Variants in HOXC4 observed in about 807,000 individuals in gnomAD.
HOXC4 encodes homeobox C4.
HOXC4 carries 15 observed loss-of-function variants against 25.5 expected under a neutral mutation model. That is an observed-to-expected ratio of 0.59 (90% CI 0.39 to 0.91). The LOEUF is 0.91. Among genes scored for constraint, HOXC4 ranks in the 40% least tolerant of loss-of-function variants. The probability of loss-of-function intolerance (pLI) is 0.00; values close to 1 mark genes in which losing one functional copy is unlikely to be tolerated. For missense variants in HOXC4, 342 were observed against 352.4 expected, an observed-to-expected ratio of 0.97 and a Z score of 0.24; for synonymous variants, 165 against 148.0, an observed-to-expected ratio of 1.11 and a Z score of -0.83.
At chr12:54,032,967 G>C (rs1293161799) in intron 1 of HOXC4, 1 of 648,706 alleles carries the variant, frequency 1.5e-6, no homozygotes, top group Non-Finnish European at 2.6e-6. Context: ...CTCTATTTAA[G>C]GCTCCCTTAT....
At chr12:54,037,602 A>G (rs1000995806) in intron 1 of HOXC4, among the ~76,000 whole-genome samples, 8 of 151,914 alleles carry the variant, frequency 5.3e-5, no homozygotes, top group Non-Finnish European at 1.0e-4. Context: ...TAAATAAATA[A>G]ATAAGGATCC....
intron 1 of HOXC4, among the ~76,000 whole-genome samples, chr12:54,038,196 C>A (rs969237319): frequency 1.2e-4 from 19 of 152,198 alleles, no homozygotes; most frequent in African/African-American, 4.6e-4. Flanking sequence ...GATGGGGGAG[C>A]TTGTCTACCC....
At chr12:54,039,298 G>A (rs187956383) in intron 1 of HOXC4, among the ~76,000 whole-genome samples, 3 of 152,246 alleles carry the variant, frequency 2.0e-5, no homozygotes, top group East Asian at 1.9e-4. Flanking sequence ...TGTTAGCCTC[G>A]CCCCCGCTGC....
At chr12:54,018,385 G>C (rs1940263201) in intron 1 of HOXC4, among the ~76,000 whole-genome samples, 1 of 152,212 alleles carries the variant, frequency 6.6e-6, no homozygotes, top group South Asian at 2.1e-4. Flanking sequence ...AGGCTGGGCG[G>C]GGACAGGCCC....
chr12:54,034,407 A>G (rs561159734), intron 1 of HOXC4: 6 of 1,613,932 alleles, frequency 3.7e-6, no homozygotes, highest in South Asian at 2.2e-5. Flanking sequence ...TTGTGTCTCA[A>G]TGAGAGACAG....
intron 1 of HOXC4, among the ~76,000 whole-genome samples, chr12:54,026,595 A>T (rs1411737722): frequency 2.6e-5 from 4 of 152,090 alleles, no homozygotes; most frequent in African/African-American, 9.7e-5. Flanking sequence ...AATACCGACA[A>T]ATTTCTGTCC....
intron 1 of HOXC4, among the ~76,000 whole-genome samples, chr12:54,046,383 C>T (rs867398128): frequency 7.2e-5 from 11 of 152,212 alleles, no homozygotes; most frequent in Middle Eastern, 3.4e-3. Context: ...CTCTTATTTA[C>T]CCGGCAACAT....
At chr12:54,026,976 G>GAA (rs370870516) in intron 1 of HOXC4, among the ~76,000 whole-genome samples, 2 of 143,184 alleles carry the variant, frequency 1.4e-5, no homozygotes, top group Non-Finnish European at 3.1e-5. Flanking sequence ...GGGGGGGGGG[G>GAA]ATATGAGCTT....
chr12:54,035,076 C>A, intron 1 of HOXC4: 1 of 154,378 alleles, frequency 6.5e-6, no homozygotes, highest in Admixed American at 6.4e-5. Context: ...CTTTCCAAAC[C>A]TTATCTCCAC....
intron 1 of HOXC4, chr12:54,033,655 A>T: frequency 8.1e-7 from 1 of 1,238,662 alleles, no homozygotes. Context: ...AAGAAAAAAA[A>T]CCTGCGGCCA....
intron 1 of HOXC4, among the ~76,000 whole-genome samples, chr12:54,045,917 C>T (rs1937691426): frequency 6.6e-6 from 1 of 152,148 alleles, no homozygotes; most frequent in South Asian, 2.1e-4. Flanking sequence ...GAGATCCAAG[C>T]CGAAGCTCCC....
chr12:54,053,864 G>C lies in HOXC4; in HGVS notation c.-59G>C. ...TTACAGGGTCGCTAGCTAGTAGGAG[G>C]GCTTTATGGAGCAGAAAAACGACAA... On this transcript the variant is annotated 5_prime_UTR_variant, in exon 1 of 2. Transcript: ENST00000430889. 7.3e-7 allele frequency: 1 copy of C among 1,372,744 alleles called. No individual in the cohort carries two copies. Among genetic ancestry groups the C allele is most frequent in the South Asian group, 1.3e-5 (1 of 77,482 alleles). 85.0% of individuals were successfully genotyped at this position (1,372,744 alleles called of 1,614,324 possible).
chr12:54,039,206 G>A (rs994376457), intron 1 of HOXC4, among the ~76,000 whole-genome samples: 2 of 152,184 alleles, frequency 1.3e-5, no homozygotes, highest in African/African-American at 2.4e-5. Flanking sequence ...GCACCTTCCA[G>A]AAGGGGAGCA....
At chr12:54,029,651 T>G (rs759457160) in intron 1 of HOXC4, 17 of 1,610,468 alleles carry the variant, frequency 1.1e-5, no homozygotes, top group Non-Finnish European at 1.3e-5. Flanking sequence ...GCCCGGATCT[T>G]TAGGGGTCGG....
At chr12:54,033,282 C>T (rs1328200653) in intron 1 of HOXC4, 3 of 1,614,076 alleles carry the variant, frequency 1.9e-6, no homozygotes, top group Non-Finnish European at 2.5e-6. Context: ...ACCGCCTGCG[C>T]CTTCCAACTC....
intron 1 of HOXC4, chr12:54,034,506 G>A (rs1941127302): frequency 6.2e-7 from 1 of 1,605,710 alleles, no homozygotes; most frequent in African/African-American, 1.3e-5. Flanking sequence ...CAGCGGGGGA[G>A]GCCCGCAGAG....
upstream of HOXC4, among the ~76,000 whole-genome samples, chr12:54,049,432 G>T (rs1453059834): frequency 6.6e-6 from 1 of 152,096 alleles, no homozygotes; most frequent in Non-Finnish European, 1.5e-5. Context: ...TCCAAGGAAG[G>T]CAAGGCAAGG....
chr12:54,052,580 GGT>G (rs1491281522), upstream of HOXC4, among the ~76,000 whole-genome samples: 1,914 of 145,160 alleles, frequency 0.013, 12 homozygotes, highest in South Asian at 0.022. Flanking sequence ...GGGGGGGGGG[GGT>G]GGTGGTTAGG....
At chr12:54,030,046 A>G in intron 1 of HOXC4, 2 of 1,281,470 alleles carry the variant, frequency 1.6e-6, no homozygotes, top group South Asian at 3.2e-5. Flanking sequence ...TGTATTTATC[A>G]CTGGCACAAT....
Sources: gnomAD v4.1 joint callset for allele counts (sites outside exome capture counted in the v4.1 genomes callset) on GRCh38, gnomAD v4.1.1 for gene constraint, MANE v1.5 for transcripts, NCBI Gene and HGNC (gene_info 2026-07-23, HGNC 2026-07-21) for gene names.